DMD: variants seen among roughly 807,000 people sequenced by gnomAD.
DMD encodes mutant dystrophin.
DMD carries 63 observed loss-of-function variants against 330.1 expected under a neutral mutation model. The observed-to-expected ratio is 0.19, with a 90% CI of 0.16 to 0.24. The LOEUF (loss-of-function observed/expected upper bound fraction) is 0.24. DMD is among the 10% of genes least tolerant of loss of function. DMD has a pLI of 1.00. For missense variants in DMD, 3,344 were observed against 2,684.1 expected (o/e 1.25, Z -5.43); for synonymous variants, 1,223 against 959.8 (o/e 1.27, Z -5.07).
chrX:31,671,013 C>T (rs745328825), intron 53 of DMD, among the ~76,000 whole-genome samples: 36 of 110,590 alleles, frequency 3.3e-4, no homozygotes, highest in Middle Eastern at 4.7e-3. Flanking sequence ...CCAGGGTTCG[C>T]GCCATTCTCC....
intron 55 of DMD, among the ~76,000 whole-genome samples, chrX:31,605,120 T>A (rs2077549583): frequency 9.0e-6 from 1 of 111,667 alleles, no homozygotes; most frequent in South Asian, 3.7e-4. Flanking sequence ...TTTGTGTAGG[T>A]TTGGAAAAAT....
rs775592828 is a variant in DMD, at chrX:31,959,199, G to A, written c.6614+9140C>T. On this transcript the variant is annotated intron_variant, in intron 45 of 78. Coordinates refer to ENST00000357033, the MANE Select transcript of DMD (RefSeq NM_004006.3). ...TCTTTTTTTCACTCTGAGCTCAACT[G>A]TCAAAGGGACATATGAGGATGCAAA... 2.8e-4 allele frequency among the ~76,000 whole-genome samples: 31 copies of A among 111,602 alleles called. No homozygotes were observed. In the South Asian group the frequency reaches 0.012, roughly 41 times the overall value.
chrX:31,242,006 C>G (rs2048347639), intron 63 of DMD, among the ~76,000 whole-genome samples: 1 of 110,366 alleles, frequency 9.1e-6, no homozygotes, highest in African/African-American at 3.3e-5. Context: ...CTTGTAATCC[C>G]AGCACTTTAG....
chrX:32,731,847 C>A (rs886448621), intron 7 of DMD, among the ~76,000 whole-genome samples: 2 of 111,959 alleles, frequency 1.8e-5, no homozygotes, highest in African/African-American at 6.5e-5. Flanking sequence ...CTCTAAAAAG[C>A]AGAGCACCTC....
chrX:31,832,273 T>C (rs1318284007), intron 49 of DMD, among the ~76,000 whole-genome samples: 2 of 112,193 alleles, frequency 1.8e-5, no homozygotes, highest in Non-Finnish European at 3.8e-5. Context: ...AATCTTGAGA[T>C]GCACATCTTT....
At chrX:32,687,887 C>A (rs2062995004) in intron 9 of DMD, among the ~76,000 whole-genome samples, 1 of 111,554 alleles carries the variant, frequency 9.0e-6, no homozygotes, top group Non-Finnish European at 1.9e-5. Flanking sequence ...CAAGAGATAA[C>A]TGAGTCACAC....
At position 32,686,536 on chromosome X, in the gene DMD, G is replaced by A. The variant is rs191731963; in HGVS notation, c.960+11334C>T. 2.4e-3 allele frequency among the ~76,000 whole-genome samples: 185 copies of A among 76,074 alleles called. 2 individuals carry two copies. The highest frequency in any genetic ancestry group is 0.011 in the African/African-American group (179 of 16,733). 66.1% of individuals were successfully genotyped at this position (76,074 alleles called of 115,157 possible). ...ATCGTGCCAGTGCACTTCAGCCGGG[G>A]CAACAGAGCAAAAACTCCATCTCAA... is the stretch of plus-strand genomic sequence containing the variant. On this transcript the variant is annotated intron_variant, in intron 9 of 78. Coordinates refer to ENST00000357033, the MANE Select transcript of DMD (RefSeq NM_004006.3).
chrX:32,632,445 C>CAATG (rs1466397604), intron 11 of DMD, among the ~76,000 whole-genome samples: 1 of 112,316 alleles, frequency 8.9e-6, no homozygotes, highest in Non-Finnish European at 1.9e-5. Context: ...GTCCACTAGG[C>CAATG]AATGCCCCAG....
intron 51 of DMD, among the ~76,000 whole-genome samples, chrX:31,739,133 C>T (rs762544764): frequency 5.4e-5 from 6 of 111,519 alleles, no homozygotes; most frequent in Non-Finnish European, 1.1e-4. Flanking sequence ...GGGTTGAATA[C>T]CCCATTTTAC....
At position 32,253,169 on chromosome X, in the gene DMD, G is replaced by A. The variant is rs767605905; in HGVS notation, c.6290+34360C>T. Among the ~76,000 whole-genome samples the A allele has an allele frequency of 1.7e-4, 18 of 107,310 alleles. No individual in the cohort carries two copies. In the South Asian group the frequency reaches 5.9e-3, roughly 35 times the overall value. 93.2% of individuals were successfully genotyped at this position (107,310 alleles called of 115,157 possible). On this transcript the variant is annotated intron_variant, in intron 43 of 78. Coordinates refer to ENST00000357033, the MANE Select transcript of DMD (RefSeq NM_004006.3). ...AACCTCATAGACAGAGTTTATGTGT[G>A]ACTCTAAAAAATAGATGAAGATAAG... is the stretch of plus-strand genomic sequence containing the variant.
chrX:32,022,673 T>C (rs762089538), intron 44 of DMD, among the ~76,000 whole-genome samples: 2 of 112,157 alleles, frequency 1.8e-5, no homozygotes, highest in South Asian at 3.7e-4. Flanking sequence ...ATAGATTCAA[T>C]GGAAAATAAA....
chrX:33,224,689 C>G (rs1428522346), intron 1 of DMD, among the ~76,000 whole-genome samples: 3 of 111,266 alleles, frequency 2.7e-5, no homozygotes, highest in South Asian at 3.8e-4. Context: ...AACACAACAA[C>G]AAGAGTAAAC....
intron 44 of DMD, among the ~76,000 whole-genome samples, chrX:32,172,662 T>C (rs1054619592): frequency 4.5e-5 from 5 of 111,894 alleles, no homozygotes; most frequent in Admixed American, 9.5e-5. Flanking sequence ...ACTTATACTC[T>C]ATAGTGTTCT....
chrX:33,330,978 T>C (rs151156149), intron 1 of DMD, among the ~76,000 whole-genome samples: 1,358 of 111,915 alleles, frequency 0.012, 20 homozygotes, highest in African/African-American at 0.042. Context: ...TCACTGTAAA[T>C]ATTTTTCTCT....
At chrX:32,914,641 A>T (rs751101735) in intron 2 of DMD, among the ~76,000 whole-genome samples, 1 of 112,213 alleles carries the variant, frequency 8.9e-6, no homozygotes, top group Non-Finnish European at 1.9e-5. Context: ...CAATAAACGA[A>T]AAATCTTCGA....
chrX:32,297,930 T>C (rs773000928), intron 42 of DMD, among the ~76,000 whole-genome samples: 8 of 111,264 alleles, frequency 7.2e-5, no homozygotes, highest in Non-Finnish European at 7.5e-5. Flanking sequence ...GACACTGGAA[T>C]GTGCCTGGAG....
intron 2 of DMD, among the ~76,000 whole-genome samples, chrX:32,986,511 C>T (rs2092848594): frequency 8.9e-6 from 1 of 112,156 alleles, no homozygotes; most frequent in African/African-American, 3.2e-5. Flanking sequence ...TGTGTGCACA[C>T]ACAACACATT....
intron 55 of DMD, among the ~76,000 whole-genome samples, chrX:31,510,578 G>A (rs974746061): frequency 1.9e-5 from 2 of 103,964 alleles, no homozygotes; most frequent in South Asian, 9.1e-4. Flanking sequence ...CGCGATCTTG[G>A]CTCACTGCAA....
At chrX:32,311,122 GCT>G (rs1218340172) in intron 41 of DMD, among the ~76,000 whole-genome samples, 3 of 110,455 alleles carry the variant, frequency 2.7e-5, no homozygotes, top group Admixed American at 1.9e-4. Flanking sequence ...GATGACCTGT[GCT>G]CTCTTCTGTC....
Sources: allele counts gnomAD v4.1 joint callset (sites outside exome capture counted in the v4.1 genomes callset), GRCh38; gene constraint gnomAD v4.1.1; transcripts MANE v1.5; gene names NCBI Gene and HGNC (gene_info 2026-07-23, HGNC 2026-07-21).